PC: variants seen among roughly 807,000 people sequenced by gnomAD.
PC encodes the protein pyruvate carboxylase.
PC carries 46 observed loss-of-function variants against 107.8 expected under a neutral mutation model. The ratio of observed to expected loss-of-function variants is 0.43; its 90% confidence interval spans 0.34 to 0.55. The LOEUF (loss-of-function observed/expected upper bound fraction) is 0.55. PC is among the 20% of genes least tolerant of loss of function. The pLI is 0.04. For missense variants in PC, 1,241 were observed against 1,643.1 expected (o/e 0.76, Z 4.23); for synonymous variants, 662 against 684.7 (o/e 0.97, Z 0.52).
chr11:66,880,244 ACAC>A (rs1947139773), intron 3 of PC, among the ~76,000 whole-genome samples: 9 of 152,126 alleles, frequency 5.9e-5, no homozygotes, highest in African/African-American at 2.2e-4. Flanking sequence ...TGGCCCCCTC[ACAC>A]CACCCTCTCT....
intron 13 of PC, 31 bp downstream of exon 13, chr11:66,853,208 G>A (rs779980915): frequency 6.2e-7 from 1 of 1,608,694 alleles, no homozygotes; most frequent in South Asian, 1.1e-5. Flanking sequence ...GAGGGGAGGG[G>A]AGGGCAGGGC....
chr11:66,943,378 C>A (rs76310383), intron 3 of PC, among the ~76,000 whole-genome samples: 5,753 of 152,108 alleles, frequency 0.038, 348 homozygotes, highest in African/African-American at 0.13. Context: ...GAGGAACAAG[C>A]CCTCACCAGA....
At chr11:66,895,714 G>GA (rs1299192137) in intron 3 of PC, among the ~76,000 whole-genome samples, 1 of 152,036 alleles carries the variant, frequency 6.6e-6, no homozygotes, top group Admixed American at 6.5e-5. Context: ...GTGAAAAAGG[G>GA]AAAAAAATTA....
intron 3 of PC, among the ~76,000 whole-genome samples, chr11:66,938,242 C>G (rs1168554689): frequency 2.0e-5 from 3 of 152,022 alleles, no homozygotes; most frequent in Non-Finnish European, 4.4e-5. Flanking sequence ...TGCGATTTTT[C>G]CTGAATAAAT....
intron 12 of PC, among the ~76,000 whole-genome samples, chr11:66,862,466 G>A (rs920435346): frequency 2.0e-5 from 3 of 152,218 alleles, no homozygotes; most frequent in Non-Finnish European, 2.9e-5. Flanking sequence ...ACTGCGCCTC[G>A]ATGACAGGCA....
At chr11:66,862,708 C>T (rs976778983) in intron 12 of PC, among the ~76,000 whole-genome samples, 2 of 152,236 alleles carry the variant, frequency 1.3e-5, no homozygotes, top group South Asian at 2.1e-4. Flanking sequence ...CTGTGGATTC[C>T]TCTCTAGCTA....
chr11:66,930,192 T>A (rs920493936), intron 3 of PC, among the ~76,000 whole-genome samples: 3 of 146,060 alleles, frequency 2.1e-5, no homozygotes, highest in Admixed American at 1.4e-4. Flanking sequence ...CAAAAGCAGG[T>A]AGAAAAACAA....
intron 3 of PC, among the ~76,000 whole-genome samples, chr11:66,873,470 TAATATAA>T (rs1946837998): frequency 1.3e-5 from 1 of 76,850 alleles, no homozygotes; most frequent in Non-Finnish European, 2.4e-5. Context: ...ATATTATATA[TAATATAA>T]TATATAATAT....
At chr11:66,869,997 T>C (rs1441611821) in intron 9 of PC, among the ~76,000 whole-genome samples, 2 of 152,234 alleles carry the variant, frequency 1.3e-5, no homozygotes, top group African/African-American at 2.4e-5. Context: ...AGGGATGAGC[T>C]GATGCCACAG....
In PC at chr11:66,850,763, TCCA is replaced by T. The variant is rs1945433716; in HGVS notation, c.2381_2383del (p.Val794del). ...CCCAGACATGGAATCAGCTGCCACA[TCCA>T]CCACATCAGCTCCAGCCTGGGCACA... On this transcript the variant is annotated inframe_deletion, in exon 18 of 23. Coordinates refer to ENST00000393960, the MANE Select transcript of PC (RefSeq NM_001040716.2). The T allele has an allele frequency of 1.2e-6, 2 of 1,611,490 alleles. No homozygotes were observed. Among genetic ancestry groups the T allele is most frequent in the Non-Finnish European group, 1.7e-6 (2 of 1,179,946 alleles).
In PC at chr11:66,866,149, G is replaced by A; in HGVS notation, c.1185+38C>T. On this transcript the variant is annotated intron_variant, in intron 11 of 22. Transcript: ENST00000393960. The surrounding 1 kb of genome is among the most constrained non-coding windows in gnomAD (Gnocchi z 5.4). ...AGGCACCAGGCAGAACCTGTGCACA[G>A]GTGAGCTGGCATCTCCCTCTGCTCG... 2 of 1,596,852 alleles carry A rather than the reference G, an allele frequency of 1.3e-6. No homozygotes were observed. Among genetic ancestry groups the A allele is most frequent in the African/African-American group, 2.7e-5 (2 of 74,944 alleles).
At chr11:66,951,663 G>A (rs1461376641) in intron 3 of PC, among the ~76,000 whole-genome samples, 1 of 152,060 alleles carries the variant, frequency 6.6e-6, no homozygotes, top group Non-Finnish European at 1.5e-5. Context: ...GGGCTGAGGT[G>A]GGTGGATCAC....
chr11:66,941,655 C>T (rs1017113223), intron 3 of PC, among the ~76,000 whole-genome samples: 2 of 152,126 alleles, frequency 1.3e-5, no homozygotes, highest in African/African-American at 4.8e-5. Flanking sequence ...CCATGCCCAG[C>T]TAATTTTTTG....
intron 3 of PC, among the ~76,000 whole-genome samples, chr11:66,887,565 A>G: frequency 6.6e-6 from 1 of 152,248 alleles, no homozygotes; most frequent in Non-Finnish European, 1.5e-5. Context: ...GACATTACCC[A>G]GAAAGACTAA....
chr11:66,957,790 T>C (rs1323189177), intron 1 of PC: 2 of 152,238 alleles, frequency 1.3e-5, no homozygotes, highest in Non-Finnish European at 2.9e-5. Flanking sequence ...CGCCTGGAGC[T>C]TCCCCGTCTG....
At chr11:66,850,970 G>A in intron 17 of PC, 47 bp from the exon 18 acceptor site, 2 of 1,608,300 alleles carry the variant, frequency 1.2e-6, no homozygotes, top group Non-Finnish European at 8.5e-7. Flanking sequence ...GAGAGGGCAG[G>A]ATGTGTGCCT....
At chr11:66,931,289 G>C (rs1323694804) in intron 3 of PC, among the ~76,000 whole-genome samples, 2 of 149,264 alleles carry the variant, frequency 1.3e-5, no homozygotes, top group Non-Finnish European at 3.0e-5. Flanking sequence ...TGAGGCAGGA[G>C]AATCACTTGA....
At chr11:66,855,707 G>A (rs1196716193) in intron 12 of PC, among the ~76,000 whole-genome samples, 1 of 152,220 alleles carries the variant, frequency 6.6e-6, no homozygotes, top group Non-Finnish European at 1.5e-5. Context: ...AAACGCCACA[G>A]CTGAGGCCCA....
intron 12 of PC, chr11:66,859,577 G>A (rs969226443): frequency 1.9e-6 from 3 of 1,603,248 alleles, no homozygotes; most frequent in African/African-American, 1.3e-5. Context: ...ACGGGAGTGG[G>A]GAGGTGAGGA....
Sources: allele counts gnomAD v4.1 joint callset (sites outside exome capture counted in the v4.1 genomes callset), GRCh38; gene constraint gnomAD v4.1.1; non-coding constraint Gnocchi (gnomAD v3.1); transcripts MANE v1.5; gene names NCBI Gene and HGNC (gene_info 2026-07-23, HGNC 2026-07-21).